HUNK: variants seen among roughly 807,000 people sequenced by gnomAD.
HUNK encodes hormonally up-regulated Neu-associated kinase, also known as hormonally up-regulated neu tumor-associated kinase.
In HUNK, 21 loss-of-function variants were observed where a neutral mutation model predicts 61.0. The ratio of observed to expected loss-of-function variants is 0.34; its 90% CI spans 0.24 to 0.50. HUNK has a LOEUF of 0.50. HUNK is among the 20% of genes least tolerant of loss of function. The pLI, the probability that HUNK is intolerant of heterozygous loss-of-function variation, is 0.98. For missense variants in HUNK, 772 were observed against 945.7 expected, an observed-to-expected ratio of 0.82 and a Z score of 2.41; for synonymous variants, 371 against 386.1, an observed-to-expected ratio of 0.96 and a Z score of 0.46.
At chr21:31,994,654 T>A (rs2053191350) in intron 9 of HUNK, among the ~76,000 whole-genome samples, 1 of 152,330 alleles carries the variant, frequency 6.6e-6, no homozygotes, top group Non-Finnish European at 1.5e-5. Context: ...ACATCACCCT[T>A]CCCAGAAGCT....
intron 2 of HUNK, among the ~76,000 whole-genome samples, chr21:31,935,518 A>T (rs1168281428): frequency 6.6e-6 from 1 of 152,136 alleles, no homozygotes. Context: ...TACCATAAAG[A>T]ATAATTTTAA....
At chr21:31,884,476 C>A (rs561718469) in intron 1 of HUNK, among the ~76,000 whole-genome samples, 1 of 152,042 alleles carries the variant, frequency 6.6e-6, no homozygotes, top group East Asian at 2.0e-4. Flanking sequence ...CCTGTAATCC[C>A]AGCTACTTGG....
At chr21:31,941,461 C>T (rs994380514) in intron 3 of HUNK, among the ~76,000 whole-genome samples, 10 of 152,006 alleles carry the variant, frequency 6.6e-5, no homozygotes, top group Non-Finnish European at 1.5e-4. Flanking sequence ...CACCCAGCAC[C>T]ACGCCTGGCT....
At chr21:31,876,710 G>A (rs1045650142) in intron 1 of HUNK, among the ~76,000 whole-genome samples, 1 of 152,216 alleles carries the variant, frequency 6.6e-6, no homozygotes, top group Non-Finnish European at 1.5e-5. Context: ...GTCCCCCACT[G>A]TGGGTGACCC....
intron 1 of HUNK, among the ~76,000 whole-genome samples, chr21:31,887,851 C>T (rs1019552874): frequency 3.3e-5 from 5 of 152,096 alleles, no homozygotes; most frequent in Admixed American, 6.6e-5. Context: ...GAGCAGAACA[C>T]GGGTAGGCAG....
chr21:31,987,764 AGT>A (rs2123249322), intron 8 of HUNK, among the ~76,000 whole-genome samples: 1 of 152,342 alleles, frequency 6.6e-6, no homozygotes, highest in African/African-American at 2.4e-5. Context: ...GAACCTAGAA[AGT>A]GGAGTGGGGC....
At chr21:31,969,878 T>C (rs2052998137) in intron 6 of HUNK, among the ~76,000 whole-genome samples, 1 of 152,306 alleles carries the variant, frequency 6.6e-6, no homozygotes, top group South Asian at 2.1e-4. Flanking sequence ...TTTCCTTGTA[T>C]ATTTTTTTCT....
Position 31,999,088 on chromosome 21 carries a change from A to C in HUNK, c.2049A>C (p.Ala683=), listed in dbSNP as rs1248993037. ...RKRHQSLQPS[A]DRPLEASLPP... is the part of the protein sequence containing the mutation. ...GCCATCAGAGTCTGCAGCCATCTGCAGATAGGCCCCTGGAGGCCAGCCTGC... is the reference window on the plus strand; with the variant it reads ...GCCATCAGAGTCTGCAGCCATCTGCCGATAGGCCCCTGGAGGCCAGCCTGC... Residue 683 remains alanine (A), a synonymous_variant, in exon 11 of 11, where the codon GCA becomes GCC. Coordinates refer to ENST00000270112, the MANE Select transcript of HUNK (RefSeq NM_014586.2). 6.2e-7 allele frequency: 1 copy of C among 1,614,228 alleles called. No homozygotes were observed. The highest frequency in any genetic ancestry group is 8.5e-7 in the Non-Finnish European group (1 of 1,180,032).
At chr21:31,968,095 G>A (rs945570586) in intron 5 of HUNK, among the ~76,000 whole-genome samples, 155 bp from the exon 6 acceptor site, 8 of 152,164 alleles carry the variant, frequency 5.3e-5, no homozygotes, top group Non-Finnish European at 8.8e-5. Context: ...ACGATTCATT[G>A]AATCGGAACC....
At position 31,999,044 on chromosome 21, in the gene HUNK, G is replaced by A. The variant is rs761838556; in HGVS notation, c.2005G>A (p.Gly669Arg). 5.6e-6 allele frequency: 9 copies of A among 1,614,186 alleles called. No homozygotes were observed. Among genetic ancestry groups the A allele is most frequent in the Non-Finnish European group, 6.8e-6 (8 of 1,180,034 alleles). ...AGGCCGGTTCCCTATGATGGGCATC[G>A]GACAGATGTTAAGGAAGCGCCATCA... The part of the protein sequence containing the change: ...SRGRFPMMGI[G>R]QMLRKRHQSL... The change falls in exon 11 of 11, where the codon GGA becomes AGA. Residue 669 changes from glycine to arginine, a missense_variant. This residue lies in a region of HUNK where 413 missense variants were observed against 444.4 expected (regional missense o/e 0.93). Coordinates refer to ENST00000270112, the MANE Select transcript of HUNK (RefSeq NM_014586.2).
chr21:31,874,300 A>C (rs2052242079), intron 1 of HUNK, among the ~76,000 whole-genome samples: 1 of 130,620 alleles, frequency 7.7e-6, no homozygotes, highest in Non-Finnish European at 1.6e-5. Flanking sequence ...CGAGGCGGGA[A>C]CCAGGGCTAG....
At chr21:31,900,446 AACACACAC>A (rs3138690) in intron 1 of HUNK, among the ~76,000 whole-genome samples, 1 of 143,024 alleles carries the variant, frequency 7.0e-6, no homozygotes, top group African/African-American at 2.7e-5. Context: ...TAGTTACTGA[AACACACAC>A]ACACACACAC....
At chr21:31,931,934 ACG>A (rs929152877) in intron 2 of HUNK, among the ~76,000 whole-genome samples, 1 of 129,852 alleles carries the variant, frequency 7.7e-6, no homozygotes, top group African/African-American at 2.8e-5. Flanking sequence ...ACACACACAC[ACG>A]CGCGCCCACC....
chr21:31,913,344 C>G (rs2052559131), intron 1 of HUNK, among the ~76,000 whole-genome samples: 1 of 151,644 alleles, frequency 6.6e-6, no homozygotes, highest in South Asian at 2.1e-4. Context: ...AGACAGGAGG[C>G]AGAGAGATTA....
At chr21:31,902,044 T>C (rs1446298945) in intron 1 of HUNK, among the ~76,000 whole-genome samples, 1 of 152,166 alleles carries the variant, frequency 6.6e-6, no homozygotes, top group Non-Finnish European at 1.5e-5. Context: ...ACCACAGTCA[T>C]GAAGCCATAT....
chr21:32,002,488 T>C lies in HUNK; in HGVS notation c.*3304T>C, dbSNP rs2248975. On this transcript the variant is annotated 3_prime_UTR_variant, in exon 11 of 11. Transcript: ENST00000270112. ...TTTCCCTGCCTTATTTTACCTGCAA[T>C]AGGTGTGCCTACAAAAGTCTTTCTG... 94,730 of 152,158 alleles carry C rather than the reference T, an allele frequency of 0.62. 29,523 individuals are homozygous for C. Among genetic ancestry groups the C allele is most frequent in the South Asian group, 0.72 (3,490 of 4,826 alleles). The allele number at this position is 152,158 out of a possible 1,614,324, so 9.4% of individuals were successfully genotyped here. A position where few individuals can be genotyped will look rare whatever the true frequency, so the allele number is the denominator to read the frequency against.
chr21:31,883,237 TCCC>T (rs2052322044), intron 1 of HUNK, among the ~76,000 whole-genome samples: 1 of 152,148 alleles, frequency 6.6e-6, no homozygotes, highest in Non-Finnish European at 1.5e-5. Context: ...TTATAAGGGT[TCCC>T]AACTTATAAC....
Position 31,968,753 on chromosome 21 carries a change from TGAGA to T in HUNK, c.1010+378_1010+381del, listed in dbSNP as rs113502322. Among the ~76,000 whole-genome samples the T allele has an allele frequency of 9.0e-3, 1,046 of 115,608 alleles. 14 individuals carry two copies. The highest frequency in any genetic ancestry group is 0.029 in the African/African-American group (955 of 32,992). 75.8% of individuals were successfully genotyped at this position (115,608 alleles called of 152,430 possible). A position where few individuals can be genotyped will look rare whatever the true frequency, so the allele number is the denominator to read the frequency against. On this transcript the variant is annotated intron_variant, in intron 6 of 10. Coordinates refer to ENST00000270112, the MANE Select transcript of HUNK (RefSeq NM_014586.2). ...GTGTGTGTGTGTGTGTGTGTGTGTG[TGAGA>T]GAGAGAGAGTGAGTGTCTATGTCTG...
intron 1 of HUNK, among the ~76,000 whole-genome samples, chr21:31,887,082 T>C (rs2052352432): frequency 6.6e-6 from 1 of 152,218 alleles, no homozygotes; most frequent in African/African-American, 2.4e-5. Flanking sequence ...TGGGTGTGCC[T>C]GTCTGGGTGA....
Sources: gnomAD v4.1 joint callset for allele counts (sites outside exome capture counted in the v4.1 genomes callset) on GRCh38, gnomAD v4.1.1 for gene constraint, gnomAD v4.1.1 regional missense constraint, MANE v1.5 for transcripts, NCBI Gene and HGNC (gene_info 2026-07-23, HGNC 2026-07-21) for gene names.